IWS1: variants seen among roughly 807,000 people sequenced by gnomAD.
The protein encoded by IWS1 is protein IWS1 homolog.
IWS1 carries 27 observed loss-of-function variants against 86.7 expected under a neutral mutation model. The observed-to-expected ratio is 0.31, with a 90% confidence interval of 0.23 to 0.43. The LOEUF is 0.43. Among genes scored for constraint, IWS1 ranks in the 20% least tolerant of loss-of-function variants. The probability of loss-of-function intolerance (pLI) is 1.00; values close to 1 mark genes in which losing one functional copy is unlikely to be tolerated. For synonymous variants in IWS1, 313 were observed against 335.1 expected (o/e 0.93, Z 0.72); for missense variants, 827 against 1,000.8 (o/e 0.83, Z 2.34).
intron 5 of IWS1, among the ~76,000 whole-genome samples, chr2:127,501,117 A>T (rs771540790): frequency 6.6e-6 from 1 of 152,142 alleles, no homozygotes; most frequent in Non-Finnish European, 1.5e-5. Context: ...TCCCTCCTGC[A>T]TCTCTAACCT....
At chr2:127,486,450 T>C in intron 13 of IWS1, 103 bp downstream of exon 13, 1 of 821,184 alleles carries the variant, frequency 1.2e-6, no homozygotes, top group South Asian at 1.5e-5. Flanking sequence ...CCTCTCTGAA[T>C]CAGACAAACT....
chr2:127,525,835 C>G (rs1692376211), intron 1 of IWS1, among the ~76,000 whole-genome samples: 1 of 152,242 alleles, frequency 6.6e-6, no homozygotes, highest in African/African-American at 2.4e-5. Context: ...CCCGCCCCAA[C>G]GCCCCTTGGA....
At chr2:127,486,277 T>C (rs61620809) in intron 13 of IWS1, 8,286 of 256,276 alleles carry the variant, frequency 0.032, 693 homozygotes, top group African/African-American at 0.17. Context: ...TTTCAAGCCT[T>C]GCTTGAAGTA....
chr2:127,489,862 T>A lies in IWS1; in HGVS notation c.2129A>T (p.Glu710Val), dbSNP rs779753669. ...CATTCTTCGTCGTTGAGGCATCTGTTCTAGATCTCTCTGCTCCCTTTCTTC... is the reference window on the plus strand; with the variant it reads ...CATTCTTCGTCGTTGAGGCATCTGTACTAGATCTCTCTGCTCCCTTTCTTC... ...TREEREQRDLEQMPQRRRMNS... is the reference protein window; with the variant it reads ...TREEREQRDLVQMPQRRRMNS... Residue 710 changes from glutamate (E) to valine (V), a missense_variant, in exon 11 of 14, where the codon GAA becomes GTA. Physicochemically the swap from Glu to Val is moderately radical, Grantham distance 121. Around this residue, in one of 2 missense-constraint regions of IWS1, gnomAD observed 279 missense variants for 440.6 expected, o/e 0.63. Coordinates refer to ENST00000295321, the MANE Select transcript of IWS1 (RefSeq NM_017969.3). This position sits in a 1 kb window ranked among gnomAD's most constrained non-coding sequence, Gnocchi z 4.8. The A allele has an allele frequency of 6.2e-7, 1 of 1,611,794 alleles. No homozygotes were observed. Among genetic ancestry groups the A allele is most frequent in the South Asian group, 1.1e-5 (1 of 91,038 alleles).
intron 13 of IWS1, among the ~76,000 whole-genome samples, chr2:127,481,489 A>T (rs559092204): frequency 6.6e-6 from 1 of 152,264 alleles, no homozygotes; most frequent in South Asian, 2.1e-4. Flanking sequence ...CATCATGTAC[A>T]TTACGTTTTA....
At chr2:127,486,758 T>C (rs1256192722) in intron 12 of IWS1, 94 bp from the exon 13 acceptor site, 1 of 951,572 alleles carries the variant, frequency 1.1e-6, no homozygotes, top group African/African-American at 1.6e-5. Context: ...CATCCACCCA[T>C]TAAGCTGCAA....
intron 1 of IWS1, among the ~76,000 whole-genome samples, chr2:127,524,698 A>C (rs1692296985): frequency 6.7e-6 from 1 of 150,230 alleles, no homozygotes; most frequent in Non-Finnish European, 1.5e-5. Context: ...GCCCGCCACC[A>C]CGCCTGGCTA....
At chr2:127,490,460 C>T (rs955395870) in intron 10 of IWS1, among the ~76,000 whole-genome samples, 1 of 152,052 alleles carries the variant, frequency 6.6e-6, no homozygotes, top group African/African-American at 2.4e-5. Context: ...CTACAATGAC[C>T]ATGAAAGAAA....
intron 5 of IWS1, 58 bp from the exon 6 acceptor site, chr2:127,498,295 A>C: frequency 6.5e-7 from 1 of 1,532,592 alleles, no homozygotes. Flanking sequence ...AAGTGTTCTT[A>C]ATATTTTGCA....
At chr2:127,487,608 T>C (rs1036175650) in intron 12 of IWS1, among the ~76,000 whole-genome samples, 6 of 152,234 alleles carry the variant, frequency 3.9e-5, no homozygotes, top group Admixed American at 3.3e-4. Context: ...TAGAGTGCAG[T>C]GGCACAATCT....
In IWS1 at chr2:127,505,089, G is replaced by C; in HGVS notation, c.814C>G (p.Arg272Gly). 6.2e-7 allele frequency: 1 copy of C among 1,612,012 alleles called. No individual in the cohort carries two copies. Among genetic ancestry groups the C allele is most frequent in the Non-Finnish European group, 8.5e-7 (1 of 1,179,478 alleles). ...TCCTCACTTTCCGAATCACTGATTC[G>C]GGGTTTGGGAAGCTCTTCATTTTCT... is the stretch of plus-strand genomic sequence containing the variant. The part of the protein sequence containing the change: ...DSENEELPKP[R>G]ISDSESEDPP... Residue 272 changes from arginine to glycine, a missense_variant, in exon 3 of 14, where the codon CGA (arginine) becomes GGA (glycine). Transcript: ENST00000295321. The surrounding 1 kb of genome is among the most constrained non-coding windows in gnomAD (Gnocchi z 5.0).
chr2:127,481,421 G>T (rs571684424), intron 13 of IWS1, among the ~76,000 whole-genome samples: 1 of 151,736 alleles, frequency 6.6e-6, no homozygotes, highest in Non-Finnish European at 1.5e-5. Context: ...GCAGTCCATG[G>T]AGGTCTCCTA....
At chr2:127,524,324 T>C (rs1391770518) in intron 1 of IWS1, among the ~76,000 whole-genome samples, 1 of 152,140 alleles carries the variant, frequency 6.6e-6, no homozygotes, top group Non-Finnish European at 1.5e-5. Context: ...GAAAAGCATA[T>C]ATAAAATGGT....
intron 13 of IWS1, among the ~76,000 whole-genome samples, chr2:127,483,130 G>A: frequency 6.6e-6 from 1 of 151,754 alleles, no homozygotes; most frequent in East Asian, 1.9e-4. Context: ...AGTTGTGGTG[G>A]GATTACAGAT....
intron 10 of IWS1, among the ~76,000 whole-genome samples, chr2:127,490,342 C>T (rs1015970775): frequency 7.2e-5 from 11 of 152,154 alleles, no homozygotes; most frequent in African/African-American, 2.7e-4. Flanking sequence ...TATCCTAACC[C>T]AGAACAAACT....
In IWS1 at chr2:127,505,253, G is replaced by A. The variant is rs772726914; in HGVS notation, c.650C>T (p.Pro217Leu). The change falls in exon 3 of 14, where the codon CCT (proline) becomes CTT (leucine). Residue 217 changes from proline to leucine, a missense_variant. Physicochemically the swap from Pro to Leu is moderately conservative, Grantham distance 98. Around this residue, in one of 2 missense-constraint regions of IWS1, gnomAD observed 548 missense variants for 560.2 expected, o/e 0.98. Coordinates refer to ENST00000295321, the MANE Select transcript of IWS1 (RefSeq NM_017969.3). This position sits in a 1 kb window ranked among gnomAD's most constrained non-coding sequence, Gnocchi z 5.0. Reference protein sequence around the residue: ...RMSDSESEELPKPQVSDSESE... With the variant: ...RMSDSESEELLKPQVSDSESE... ...TTCTGAATCACTGACCTGAGGTTTA[G>A]GAAGCTCCTCACTTTCAGAATCACT... 16 of 1,613,414 alleles carry A rather than the reference G, an allele frequency of 9.9e-6. No individual in the cohort carries two copies. Among genetic ancestry groups the A allele is most frequent in the Non-Finnish European group, 1.4e-5 (16 of 1,179,866 alleles).
At chr2:127,483,839 C>T (rs992179639) in intron 13 of IWS1, among the ~76,000 whole-genome samples, 8 of 151,960 alleles carry the variant, frequency 5.3e-5, no homozygotes, top group African/African-American at 1.9e-4. Context: ...CTATGTTGTC[C>T]AGGCTGATAT....
chr2:127,526,732 A>C (rs1408569388), upstream of IWS1: 1 of 1,248,360 alleles, frequency 8.0e-7, no homozygotes, highest in Admixed American at 2.3e-5. Context: ...TTGTTTGAAG[A>C]GCTTTTGAGA....
chr2:127,494,245 T>TAAAAAAAAAAAAAAAA (rs11327472), intron 8 of IWS1, among the ~76,000 whole-genome samples: 6 of 94,082 alleles, frequency 6.4e-5, no homozygotes, highest in Non-Finnish European at 1.2e-4. Context: ...TGTCTCTAAT[T>TAAAAAAAAAAAAAAAA]AAAAAAAAAA....
Sources: allele counts gnomAD v4.1 joint callset (sites outside exome capture counted in the v4.1 genomes callset), GRCh38; gene constraint gnomAD v4.1.1; regional missense constraint gnomAD v4.1.1; non-coding constraint Gnocchi (gnomAD v3.1); transcripts MANE v1.5; gene names NCBI Gene and HGNC (gene_info 2026-07-23, HGNC 2026-07-21).